SENP7: variants seen among roughly 807,000 people sequenced by gnomAD.
The protein encoded by SENP7 is sentrin-specific protease 7.
A neutral mutation model predicts 141.2 loss-of-function variants in SENP7; 64 were observed. That is an observed-to-expected ratio of 0.45 (90% confidence interval 0.37 to 0.56). The LOEUF (loss-of-function observed/expected upper bound fraction) is 0.56, where lower values mean the gene tolerates loss of function less well. Ranked by LOEUF, SENP7 falls within the 20% of genes least tolerant of loss-of-function variation. The pLI is 0.00. For missense variants in SENP7, 1,025 were observed against 1,212.2 expected, an observed-to-expected ratio of 0.85 and a Z score of 2.29; for synonymous variants, 382 against 426.4, an observed-to-expected ratio of 0.90 and a Z score of 1.28.
rs2058852197 is a variant in SENP7 at position 101,324,426 on chromosome 3, ATCACAAGATGTCT to A, written c.*1504_*1516del. 1 of 152,146 alleles carries A rather than the reference ATCACAAGATGTCT, an allele frequency of 6.6e-6. No homozygotes were observed. Among genetic ancestry groups the A allele is most frequent in the South Asian group, 2.1e-4 (1 of 4,838 alleles). The allele number at this position is 152,146 out of a possible 1,614,324, so 9.4% of individuals were successfully genotyped here. On this transcript the variant is annotated 3_prime_UTR_variant, in exon 24 of 24. Coordinates refer to ENST00000394095, the MANE Select transcript of SENP7 (RefSeq NM_020654.5). ...AACATACAAACAAAAACATTAAGAA[ATCACAAGATGTCT>A]TATAGACTTGCTTTCCCAAAATTAG...
Position 101,388,042 on chromosome 3 carries a change from G to A in SENP7, c.677+10819C>T, listed in dbSNP as rs562118863. Among the ~76,000 whole-genome samples, 406 of 152,284 alleles carry A rather than the reference G, an allele frequency of 2.7e-3. 2 individuals carry two copies. Among genetic ancestry groups the A allele is most frequent in the African/African-American group, 9.6e-3 (397 of 41,554 alleles). Reference sequence around the variant, plus strand: ...GGGACTGGCTAGCCCAGCCACCACAGACACCCACTTGTGCAGTGCTTAAGG... The same window carrying A: ...GGGACTGGCTAGCCCAGCCACCACAAACACCCACTTGTGCAGTGCTTAAGG... On this transcript the variant is annotated intron_variant, in intron 6 of 23. Coordinates refer to ENST00000394095, the MANE Select transcript of SENP7 (RefSeq NM_020654.5).
At chr3:101,427,860 C>G (rs2062017383) in intron 4 of SENP7, among the ~76,000 whole-genome samples, 1 of 152,138 alleles carries the variant, frequency 6.6e-6, no homozygotes, top group African/African-American at 2.4e-5. Flanking sequence ...CCCCACTCCC[C>G]AACAGGCCCT....
chr3:101,482,012 T>TA (rs1559891988), intron 3 of SENP7, among the ~76,000 whole-genome samples: 2 of 151,980 alleles, frequency 1.3e-5, no homozygotes, highest in South Asian at 4.1e-4. Context: ...CATTAGCACA[T>TA]AAAAAATGAA....
chr3:101,439,000 G>GA (rs1361935536), intron 4 of SENP7, among the ~76,000 whole-genome samples: 1 of 135,762 alleles, frequency 7.4e-6, no homozygotes, highest in East Asian at 2.2e-4. Context: ...CCCATCGTCT[G>GA]GGATGTGAGG....
At chr3:101,413,830 T>C (rs942114688) in intron 5 of SENP7, among the ~76,000 whole-genome samples, 3 of 151,854 alleles carry the variant, frequency 2.0e-5, no homozygotes, top group African/African-American at 7.3e-5. Context: ...AAACCTGAAG[T>C]ACATTGTGAA....
At chr3:101,449,306 T>C (rs982768371) in intron 4 of SENP7, among the ~76,000 whole-genome samples, 21 of 152,168 alleles carry the variant, frequency 1.4e-4, no homozygotes, top group Admixed American at 9.2e-4. Context: ...TGCAGGATAT[T>C]ATCCAGGAGA....
intron 17 of SENP7, among the ~76,000 whole-genome samples, chr3:101,336,604 T>C (rs749500733): frequency 6.6e-6 from 1 of 152,188 alleles, no homozygotes; most frequent in Non-Finnish European, 1.5e-5. Flanking sequence ...ATAATGTCAA[T>C]AAATGGAGTT....
intron 4 of SENP7, among the ~76,000 whole-genome samples, chr3:101,446,558 A>G (rs540132318): frequency 6.6e-6 from 1 of 152,208 alleles, no homozygotes; most frequent in East Asian, 1.9e-4. Flanking sequence ...CTGAAATCAT[A>G]TAAAGTATCT....
rs576849598 is a variant in SENP7, at chr3:101,512,947, G to A, written c.40+144C>T. The A allele has an allele frequency of 4.3e-5, 38 of 880,378 alleles. No homozygotes were observed. In the African/African-American group the frequency reaches 5.5e-4, roughly 13 times the overall value. The allele number at this position is 880,378 out of a possible 1,614,324, so 54.5% of individuals were successfully genotyped here. A position where few individuals can be genotyped will look rare whatever the true frequency, so the allele number is the denominator to read the frequency against. On this transcript the variant is annotated intron_variant, in intron 1 of 23. Transcript: ENST00000394095. The stretch of plus-strand genomic sequence containing the variant: ...CTCCAGGGGCGGGGGCGACCCGGGA[G>A]CCTTCCATTGTGCGCGCCCCTTCCT...
intron 1 of SENP7, among the ~76,000 whole-genome samples, chr3:101,510,900 A>T (rs2065830796): frequency 6.6e-6 from 1 of 151,970 alleles, no homozygotes; most frequent in African/African-American, 2.4e-5. Flanking sequence ...AACAACTTAC[A>T]ATGAAATGGC....
intron 4 of SENP7, among the ~76,000 whole-genome samples, chr3:101,439,650 AG>A (rs1170533669): frequency 4.5e-3 from 139 of 30,704 alleles, no homozygotes; most frequent in Non-Finnish European, 7.1e-3. Context: ...CAGCCCGGCC[AG>A]CCACCCCGTC....
At chr3:101,450,981 A>C (rs1186636895) in intron 4 of SENP7, among the ~76,000 whole-genome samples, 2 of 152,210 alleles carry the variant, frequency 1.3e-5, no homozygotes, top group Non-Finnish European at 2.9e-5. Context: ...AGACTAATAA[A>C]GAAGAAAAGA....
At chr3:101,483,292 C>A (rs917665582) in intron 3 of SENP7, among the ~76,000 whole-genome samples, 1 of 152,172 alleles carries the variant, frequency 6.6e-6, no homozygotes, top group Non-Finnish European at 1.5e-5. Flanking sequence ...ATGTCCTGTG[C>A]AGCAACATAG....
At chr3:101,459,257 T>A (rs2063469500) in intron 3 of SENP7, among the ~76,000 whole-genome samples, 2 of 152,170 alleles carry the variant, frequency 1.3e-5, no homozygotes, top group Non-Finnish European at 2.9e-5. Context: ...GAAGACATTT[T>A]AAAGTACCAA....
chr3:101,416,928 C>G (rs146628058), intron 5 of SENP7, among the ~76,000 whole-genome samples: 3 of 152,220 alleles, frequency 2.0e-5, no homozygotes, highest in African/African-American at 7.2e-5. Context: ...CATTTAATGG[C>G]TGAAATTGTA....
intron 1 of SENP7, among the ~76,000 whole-genome samples, chr3:101,501,557 A>G (rs1333688381): frequency 2.1e-5 from 3 of 141,468 alleles, no homozygotes; most frequent in South Asian, 2.3e-4. Context: ...GTTCTACTAC[A>G]TATCTAAGCA....
At chr3:101,390,083 G>A (rs1428426290) in intron 6 of SENP7, among the ~76,000 whole-genome samples, 1 of 152,008 alleles carries the variant, frequency 6.6e-6, no homozygotes, top group African/African-American at 2.4e-5. Flanking sequence ...AGCCAGGCAT[G>A]GTGGTGGGCA....
At chr3:101,463,448 A>G (rs1280370506) in intron 3 of SENP7, among the ~76,000 whole-genome samples, 1 of 133,544 alleles carries the variant, frequency 7.5e-6, no homozygotes, top group African/African-American at 2.7e-5. Flanking sequence ...ACTCAGATTT[A>G]AAAAATGAGC....
intron 7 of SENP7, among the ~76,000 whole-genome samples, 191 bp downstream of exon 7, chr3:101,371,817 A>G (rs2060188670): frequency 6.6e-6 from 1 of 152,188 alleles, no homozygotes; most frequent in Non-Finnish European, 1.5e-5. Flanking sequence ...GGGATTAGTA[A>G]ATAAATCTAG....
Sources: allele counts gnomAD v4.1 joint callset (sites outside exome capture counted in the v4.1 genomes callset), GRCh38; gene constraint gnomAD v4.1.1; transcripts MANE v1.5; gene names NCBI Gene and HGNC (gene_info 2026-07-23, HGNC 2026-07-21).